Variants in DPF1 observed in about 807,000 individuals in gnomAD.
The protein encoded by DPF1 is zinc finger protein neuro-d4.
A neutral mutation model predicts 58.7 loss-of-function variants in DPF1; 14 were observed. That is an observed-to-expected ratio of 0.24 (90% CI 0.16 to 0.37). The LOEUF (loss-of-function observed/expected upper bound fraction) is 0.37, where lower values mean the gene tolerates loss of function less well. Ranked by LOEUF, DPF1 falls within the 10% of genes least tolerant of loss-of-function variation. The pLI is 1.00. For missense variants in DPF1, 345 were observed against 529.9 expected (o/e 0.65, Z 3.43); for synonymous variants, 216 against 216.0 (o/e 1.00, Z 0.00).
Position 38,218,629 on chromosome 19 carries a change from C to G in DPF1, c.460G>C (p.Glu154Gln), listed in dbSNP as rs1197749255. The change falls in exon 5 of 12, where the codon GAG becomes CAG. Residue 154 changes from glutamate (E) to glutamine (Q), a missense_variant. Transcript: ENST00000355526. Reference protein sequence around the residue: ...QQLLEFPHDLEVEDLEDDIPR... With the variant: ...QQLLEFPHDLQVEDLEDDIPR... The stretch of plus-strand genomic sequence containing the variant: ...ATGTCATCCTCCAAGTCTTCCACCT[C>G]GAGGTCATGCGGAAACTCCAGCAAC... 1 of 1,614,062 alleles carries G rather than the reference C, an allele frequency of 6.2e-7. No individual in the cohort carries two copies. The highest frequency in any genetic ancestry group is 1.1e-5 in the South Asian group (1 of 91,080).
In DPF1 at chr19:38,213,762, G is replaced by T. The variant is rs1420883717; in HGVS notation, c.899-6C>A. ...TTGTAAACACGAGGGGTGTCCTGGG[G>T]GCCAAGGGGCAGGGGTGCAGTTAGG... is the stretch of plus-strand genomic sequence containing the variant. On this transcript the variant is annotated splice_region_variant and splice_polypyrimidine_tract_variant and intron_variant, in intron 9 of 11. Coordinates refer to ENST00000355526, the MANE Select transcript of DPF1 (RefSeq NM_001135155.3). The T allele has an allele frequency of 6.2e-7, 1 of 1,612,620 alleles. No individual in the cohort carries two copies. Among genetic ancestry groups the T allele is most frequent in the East Asian group, 2.2e-5 (1 of 44,854 alleles).
intron 7 of DPF1, 182 bp downstream of exon 7, chr19:38,217,278 G>A (rs1967090172): frequency 2.7e-6 from 2 of 728,268 alleles, no homozygotes; most frequent in South Asian, 1.9e-5. Context: ...AGGAGCGAAG[G>A]AGCGATGGTT....
rs149884079 is a variant in DPF1 at position 38,212,562 on chromosome 19, C to T, written c.1012-201G>A. 6.2e-3 allele frequency among the ~76,000 whole-genome samples: 944 copies of T among 151,946 alleles called. 23 individuals are homozygous for T. Among genetic ancestry groups the T allele is most frequent in the Admixed American group, 0.052 (786 of 15,254 alleles). On this transcript the variant is annotated intron_variant, in intron 10 of 11. Transcript: ENST00000355526. The stretch of plus-strand genomic sequence containing the variant: ...CATATCCCTCAGGACAGTCCCTTTG[C>T]GATTTATAGTGGGGGTTTTATAAGG...
intron 3 of DPF1, among the ~76,000 whole-genome samples, chr19:38,220,935 G>T (rs1233665923): frequency 2.0e-5 from 3 of 152,138 alleles, no homozygotes; most frequent in Non-Finnish European, 4.4e-5. Flanking sequence ...TCCTCTGATG[G>T]ACTGGCACAC....
At position 38,222,100 on chromosome 19, in the gene DPF1, A is replaced by AAAATAAATAAATAAAT. The variant is rs142392815; in HGVS notation, c.298+241_298+256dup. 5.7e-4 allele frequency among the ~76,000 whole-genome samples: 85 copies of AAAATAAATAAATAAAT among 148,200 alleles called. No homozygotes were observed. Among genetic ancestry groups the AAAATAAATAAATAAAT allele is most frequent in the East Asian group, 1.6e-3 (8 of 5,054 alleles). On this transcript the variant is annotated intron_variant, in intron 3 of 11. Coordinates refer to ENST00000355526, the MANE Select transcript of DPF1 (RefSeq NM_001135155.3). This position sits in a 1 kb window ranked among gnomAD's most constrained non-coding sequence, Gnocchi z 4.9. ...CCAGCCTGGGTGAAACTCTGTCTCA[A>AAAATAAATAAATAAAT]AAATAAATAAATAAATAAATAAATA...
chr19:38,211,773 A>C lies in DPF1; in HGVS notation c.*290T>G, dbSNP rs1203923999. On this transcript the variant is annotated 3_prime_UTR_variant, in exon 12 of 12. Coordinates refer to ENST00000355526, the MANE Select transcript of DPF1 (RefSeq NM_001135155.3). This position sits in a 1 kb window ranked among gnomAD's most constrained non-coding sequence, Gnocchi z 4.0. ...CTGTCCATGCCCCTGGCTGGCACCC[A>C]CCACCCCCCATGCCCGCCCAGAGGC... 6.7e-6 allele frequency: 3 copies of C among 445,292 alleles called. No homozygotes were observed. Among genetic ancestry groups the C allele is most frequent in the Non-Finnish European group, 1.2e-5 (3 of 258,192 alleles). The allele number at this position is 445,292 out of a possible 1,614,324, so 27.6% of individuals were successfully genotyped here. A position where few individuals can be genotyped will look rare whatever the true frequency, so the allele number is the denominator to read the frequency against.
rs1299272892 is a variant in DPF1 at position 38,211,052 on chromosome 19, A to AT, written c.*1010dup. On this transcript the variant is annotated 3_prime_UTR_variant, in exon 12 of 12. Transcript: ENST00000355526. This position sits in a 1 kb window ranked among gnomAD's most constrained non-coding sequence, Gnocchi z 4.0. ...CCAGTTTAATACACAGAACAAGTTAATTCACAGCAGAGGCAGGCAATAGAG... is the reference window on the plus strand; with the variant it reads ...CCAGTTTAATACACAGAACAAGTTAATTTCACAGCAGAGGCAGGCAATAGAG... 1 of 152,534 alleles carries AT rather than the reference A, an allele frequency of 6.6e-6. No homozygotes were observed. The highest frequency in any genetic ancestry group is 1.5e-5 in the Non-Finnish European group (1 of 68,288). 9.4% of individuals were successfully genotyped at this position (152,534 alleles called of 1,614,324 possible). A position where few individuals can be genotyped will look rare whatever the true frequency, so the allele number is the denominator to read the frequency against.
At chr19:38,213,526 C>G (rs1365409753) in intron 10 of DPF1, 118 bp downstream of exon 10, 4 of 824,128 alleles carry the variant, frequency 4.9e-6, no homozygotes, top group Non-Finnish European at 8.0e-6. Flanking sequence ...ATAATGATAA[C>G]ACAGGGGACT....
At chr19:38,227,326 C>T (rs777154792), upstream of DPF1, among the ~76,000 whole-genome samples, 24 of 152,022 alleles carry the variant, frequency 1.6e-4, no homozygotes, top group Admixed American at 3.9e-4. Flanking sequence ...GATCTGCCCA[C>T]CCTGCCCTCC....
At chr19:38,224,611 C>G (rs1442199383), upstream of DPF1, among the ~76,000 whole-genome samples, 2 of 152,156 alleles carry the variant, frequency 1.3e-5, no homozygotes, top group East Asian at 3.9e-4. This position sits in a 1 kb window ranked among gnomAD's most constrained non-coding sequence, Gnocchi z 4.5. Context: ...GGTGCCCACA[C>G]AGACTTCTCA....
intron 3 of DPF1, among the ~76,000 whole-genome samples, chr19:38,221,467 T>C (rs186588195): frequency 2.0e-5 from 3 of 150,982 alleles, no homozygotes; most frequent in Admixed American, 2.0e-4. Flanking sequence ...TTGAACCCAC[T>C]AGGCGGAGGT....
chr19:38,224,180 G>C lies in DPF1; in HGVS notation c.-38C>G, dbSNP rs763250449. 2.8e-6 allele frequency: 4 copies of C among 1,427,882 alleles called. No homozygotes were observed. Among genetic ancestry groups the C allele is most frequent in the Non-Finnish European group, 3.7e-6 (4 of 1,091,866 alleles). The allele number at this position is 1,427,882 out of a possible 1,614,324, so 88.5% of individuals were successfully genotyped here. Reference sequence around the variant, plus strand: ...GTCCTGCCCCCAGCAGGTCCCCGCCGGGTCGGTCCTCCCAGCGGTCGGGCG... The same window carrying C: ...GTCCTGCCCCCAGCAGGTCCCCGCCCGGTCGGTCCTCCCAGCGGTCGGGCG... On this transcript the variant is annotated 5_prime_UTR_variant, in exon 1 of 12. Coordinates refer to ENST00000355526, the MANE Select transcript of DPF1 (RefSeq NM_001135155.3). This position sits in a 1 kb window ranked among gnomAD's most constrained non-coding sequence, Gnocchi z 4.5.
At chr19:38,213,499 G>A (rs771075943) in intron 10 of DPF1, 145 bp downstream of exon 10, 14 of 687,274 alleles carry the variant, frequency 2.0e-5, no homozygotes, top group South Asian at 5.3e-5. Context: ...GGCCAGGTTC[G>A]ATTTATGGAC....
intron 3 of DPF1, 56 bp from the exon 4 acceptor site, chr19:38,219,114 C>A: frequency 6.2e-7 from 1 of 1,602,426 alleles, no homozygotes; most frequent in Non-Finnish European, 8.5e-7. Context: ...GAGGACTCCT[C>A]AAACTATGCA....
Position 38,213,165 on chromosome 19 carries a change from G to A in DPF1, c.1011+479C>T, listed in dbSNP as rs913305231. ...TAATTTCTGTATTTTTGTAGAGATG[G>A]GGTTTCACCACGTTGGCCAGGCTGG... On this transcript the variant is annotated intron_variant, in intron 10 of 11. Coordinates refer to ENST00000355526, the MANE Select transcript of DPF1 (RefSeq NM_001135155.3). Among the ~76,000 whole-genome samples, 5 of 151,748 alleles carry A rather than the reference G, an allele frequency of 3.3e-5. 1 individual carries two copies. The highest frequency in any genetic ancestry group is 6.6e-5 in the Admixed American group (1 of 15,244).
chr19:38,218,095 G>C (rs1294409280), intron 5 of DPF1, among the ~76,000 whole-genome samples: 1 of 152,178 alleles, frequency 6.6e-6, no homozygotes, highest in Non-Finnish European at 1.5e-5. Flanking sequence ...CCAGCTACTC[G>C]GGAGGCTGAG....
chr19:38,212,200 C>A (rs1568620270), intron 11 of DPF1, 67 bp from the exon 12 acceptor site: 1 of 1,556,902 alleles, frequency 6.4e-7, no homozygotes, highest in Admixed American at 1.9e-5. Flanking sequence ...CCTTCCCACC[C>A]CGAGGACACA....
intron 4 of DPF1, 39 bp downstream of exon 4, chr19:38,218,892 C>A (rs2288907): frequency 2.8e-5 from 45 of 1,610,130 alleles, no homozygotes; most frequent in South Asian, 9.9e-5. Flanking sequence ...AGGGGTGAGA[C>A]GAAGCCATGC....
chr19:38,222,300 G>T lies in DPF1; in HGVS notation c.298+57C>A. On this transcript the variant is annotated intron_variant, in intron 3 of 11. Coordinates refer to ENST00000355526, the MANE Select transcript of DPF1 (RefSeq NM_001135155.3). This position sits in a 1 kb window ranked among gnomAD's most constrained non-coding sequence, Gnocchi z 4.9. ...AAGGCGATAAAGGTGATGGACGAGT[G>T]CTAGGACACACAGCAGGCGCTGGGA... 7.0e-7 allele frequency: 1 copy of T among 1,436,324 alleles called. No individual in the cohort carries two copies. The highest frequency in any genetic ancestry group is 9.5e-7 in the Non-Finnish European group (1 of 1,047,920). The allele number at this position is 1,436,324 out of a possible 1,614,324, so 89.0% of individuals were successfully genotyped here. A position where few individuals can be genotyped will look rare whatever the true frequency, so the allele number is the denominator to read the frequency against.
Sources: gnomAD v4.1 joint callset for allele counts (sites outside exome capture counted in the v4.1 genomes callset) on GRCh38, gnomAD v4.1.1 for gene constraint, Gnocchi (gnomAD v3.1) non-coding constraint, MANE v1.5 for transcripts, NCBI Gene and HGNC (gene_info 2026-07-23, HGNC 2026-07-21) for gene names.